CELF2: variants seen among roughly 807,000 people sequenced by gnomAD.
CELF2 encodes CUG triplet repeat RNA-binding protein 2.
A neutral mutation model predicts 62.6 loss-of-function variants in CELF2; 8 were observed. The ratio of observed to expected loss-of-function variants is 0.13; its 90% CI spans 0.07 to 0.23. CELF2 has a LOEUF of 0.23. Ranked by LOEUF, CELF2 falls within the 10% of genes least tolerant of loss-of-function variation. CELF2 has a pLI of 1.00. For missense variants in CELF2, 333 were observed against 671.0 expected (o/e 0.50, Z 5.56); for synonymous variants, 258 against 250.0 (o/e 1.03, Z -0.30).
chr10:11,218,383 T>G (rs543709456), intron 3 of CELF2, among the ~76,000 whole-genome samples: 1 of 152,360 alleles, frequency 6.6e-6, no homozygotes, highest in South Asian at 2.1e-4. Context: ...AATTCTACCT[T>G]TGTGTCTTTT....
At position 10,799,001 on chromosome 10, in the gene CELF2, C is replaced by T. The variant is rs181951239; in HGVS notation, c.53+184C>T. 1.5e-3 allele frequency among the ~76,000 whole-genome samples: 235 copies of T among 152,224 alleles called. 2 individuals are homozygous for T. The highest frequency in any genetic ancestry group is 5.5e-3 in the African/African-American group (229 of 41,530). ...AGAGGTGTAAGGAGTGGCCTGTGAACGTGAGGTCCTCCAATTTCACCCCAG... is the reference window on the plus strand; with the variant it reads ...AGAGGTGTAAGGAGTGGCCTGTGAATGTGAGGTCCTCCAATTTCACCCCAG... On this transcript the variant is annotated intron_variant, in intron 1 of 13. Transcript: ENST00000636488.
chr10:11,176,812 T>C (rs922239027), intron 2 of CELF2, among the ~76,000 whole-genome samples: 4 of 152,220 alleles, frequency 2.6e-5, no homozygotes, highest in African/African-American at 4.8e-5. Context: ...ATTTTTTCAA[T>C]GTTTATCCCA....
intron 9 of CELF2, among the ~76,000 whole-genome samples, chr10:11,295,663 C>T (rs11815145): frequency 0.016 from 2,466 of 152,268 alleles, 69 homozygotes; most frequent in African/African-American, 0.056. Context: ...GCTCGGGCTG[C>T]TCTGTGGCTT....
At chr10:10,678,318 A>G in the CELF2 span, among the ~76,000 whole-genome samples, 2 of 152,116 alleles carry the variant, frequency 1.3e-5, no homozygotes, top group Non-Finnish European at 2.9e-5. Context: ...ACCGTATTAC[A>G]GCATCTATAT....
intron 1 of CELF2, among the ~76,000 whole-genome samples, chr10:11,022,096 G>A (rs546728610): frequency 3.3e-5 from 5 of 152,070 alleles, no homozygotes; most frequent in Admixed American, 2.6e-4. Flanking sequence ...TAAATAATAC[G>A]GAGATAACTG....
intron 1 of CELF2, among the ~76,000 whole-genome samples, chr10:10,843,054 C>G (rs2058784304): frequency 6.6e-6 from 1 of 151,988 alleles, no homozygotes; most frequent in Non-Finnish European, 1.5e-5. Context: ...TCCATTTCAT[C>G]TAAGTAATCC....
chr10:10,537,542 T>C, the CELF2 span, among the ~76,000 whole-genome samples: 1 of 152,136 alleles, frequency 6.6e-6, no homozygotes, highest in Admixed American at 6.5e-5. Flanking sequence ...TTTCATCCAC[T>C]TACCTTAAAA....
At chr10:11,020,345 C>T (rs2058102763) in intron 1 of CELF2, among the ~76,000 whole-genome samples, 1 of 152,144 alleles carries the variant, frequency 6.6e-6, no homozygotes, top group Admixed American at 6.5e-5. Flanking sequence ...TGTGTGTCTC[C>T]ATAGCCCTGA....
At chr10:10,986,033 G>A (rs1378906416) in intron 2 of CELF2, among the ~76,000 whole-genome samples, 1 of 152,196 alleles carries the variant, frequency 6.6e-6, no homozygotes, top group Non-Finnish European at 1.5e-5. Context: ...GAATTTGAGA[G>A]GGAATTTTAA....
the CELF2 span, among the ~76,000 whole-genome samples, chr10:10,745,514 G>C: frequency 6.6e-6 from 1 of 152,276 alleles, no homozygotes; most frequent in Admixed American, 6.5e-5. Flanking sequence ...TCCCAACAGA[G>C]CAGCCTGTCT....
At chr10:11,095,429 G>A (rs118094751) in intron 1 of CELF2, among the ~76,000 whole-genome samples, 1,538 of 152,312 alleles carry the variant, frequency 0.01, 14 homozygotes, top group Admixed American at 0.018. Flanking sequence ...GTATGTAGCC[G>A]TCTCAGTGCC....
chr10:11,011,620 G>T lies in CELF2; in HGVS notation c.53+6180G>T, dbSNP rs2056478563. 6.6e-6 allele frequency among the ~76,000 whole-genome samples: 1 copy of T among 151,566 alleles called. No individual in the cohort carries two copies. The highest frequency in any genetic ancestry group is 1.5e-5 in the Non-Finnish European group (1 of 67,978). Reference sequence around the variant, plus strand: ...TCATATAAAGAGGAAATTGAGAAGTGAAGTGATTAGGTCACATGACACTTT... The same window carrying T: ...TCATATAAAGAGGAAATTGAGAAGTTAAGTGATTAGGTCACATGACACTTT... On this transcript the variant is annotated intron_variant, in intron 1 of 12. Coordinates refer to the CELF2 transcript ENST00000416382. The surrounding 1 kb of genome is among the most constrained non-coding windows in gnomAD (Gnocchi z 4.6).
the CELF2 span, among the ~76,000 whole-genome samples, chr10:10,540,055 C>T: frequency 6.6e-6 from 1 of 152,152 alleles, no homozygotes; most frequent in Non-Finnish European, 1.5e-5. Flanking sequence ...CAAGAAAATA[C>T]TTGAGGCAGC....
the CELF2 span, among the ~76,000 whole-genome samples, chr10:10,537,091 G>A: frequency 1.3e-5 from 2 of 152,294 alleles, no homozygotes; most frequent in Non-Finnish European, 2.9e-5. Context: ...GATGCACATA[G>A]GAACAAGAGG....
chr10:10,570,133 C>T, the CELF2 span, among the ~76,000 whole-genome samples: 1 of 152,238 alleles, frequency 6.6e-6, no homozygotes, highest in Admixed American at 6.5e-5. Flanking sequence ...TGAGGTCTTG[C>T]ATATAGGGAG....
At chr10:10,570,899 A>G in the CELF2 span, among the ~76,000 whole-genome samples, 2 of 152,166 alleles carry the variant, frequency 1.3e-5, no homozygotes, top group Non-Finnish European at 2.9e-5. Context: ...TTTGCAGGAA[A>G]AAAAAGATGA....
At chr10:11,028,617 C>A (rs529061533) in intron 1 of CELF2, among the ~76,000 whole-genome samples, 70 of 151,386 alleles carry the variant, frequency 4.6e-4, no homozygotes, top group Admixed American at 5.3e-4. Context: ...GATGGGGTTT[C>A]ACCATGTTGG....
At chr10:10,794,197 C>G (rs887218992), upstream of CELF2, among the ~76,000 whole-genome samples, 2 of 152,088 alleles carry the variant, frequency 1.3e-5, no homozygotes, top group Non-Finnish European at 2.9e-5. Flanking sequence ...TTTTTTAGCT[C>G]GCTCCATCTG....
At chr10:10,902,513 T>A (rs746695961) in intron 1 of CELF2, among the ~76,000 whole-genome samples, 2 of 152,136 alleles carry the variant, frequency 1.3e-5, no homozygotes, top group Non-Finnish European at 2.9e-5. Flanking sequence ...ATACATACCA[T>A]AGGATTCTAT....
Sources: gnomAD v4.1 joint callset for allele counts (sites outside exome capture counted in the v4.1 genomes callset) on GRCh38, gnomAD v4.1.1 for gene constraint, Gnocchi (gnomAD v3.1) non-coding constraint, MANE v1.5 for transcripts, NCBI Gene and HGNC (gene_info 2026-07-23, HGNC 2026-07-21) for gene names.